GRAMD4: variants seen among roughly 807,000 people sequenced by gnomAD.
GRAMD4 encodes the protein GRAM domain containing 4.
A neutral mutation model predicts 83.9 loss-of-function variants in GRAMD4; 25 were observed. The observed-to-expected ratio is 0.30, with a 90% confidence interval of 0.22 to 0.42. The LOEUF is 0.42. Ranked by LOEUF, GRAMD4 falls within the 10% of genes least tolerant of loss-of-function variation. The pLI, the probability that GRAMD4 is intolerant of heterozygous loss-of-function variation, is 1.00. For synonymous variants in GRAMD4, 336 were observed against 320.9 expected, an observed-to-expected ratio of 1.05 and a Z score of -0.50; for missense variants, 593 against 788.7, an observed-to-expected ratio of 0.75 and a Z score of 2.97.
At chr22:46,679,857 C>T, downstream of GRAMD4, 1 of 915,852 alleles carries the variant, frequency 1.1e-6, no homozygotes. Flanking sequence ...GGGCCACCAA[C>T]CCCAGGCCCT....
chr22:46,675,437 C>T (rs758182873), intron 16 of GRAMD4, 31 bp from the exon 17 acceptor site: 1 of 1,523,094 alleles, frequency 6.6e-7, no homozygotes, highest in South Asian at 1.1e-5. Context: ...GTTCAAGAGC[C>T]AGGCGACGCC....
At chr22:46,620,279 G>A (rs555623722), upstream of GRAMD4, 65 of 984,640 alleles carry the variant, frequency 6.6e-5, no homozygotes, top group East Asian at 1.0e-3. The surrounding 1 kb of genome is among the most constrained non-coding windows in gnomAD (Gnocchi z 4.7). Flanking sequence ...GCCCAATTCC[G>A]TCCTGCTTGC....
downstream of GRAMD4, among the ~76,000 whole-genome samples, chr22:46,680,690 TCATCCACC>T (rs2082661832): frequency 1.2e-4 from 1 of 8,658 alleles, no homozygotes; most frequent in Admixed American, 1.4e-3. Context: ...ACCCACCTAT[TCATCCACC>T]CATCCATCCA....
chr22:46,577,377 C>G, intron 1 of GRAMD4: 1 of 793,280 alleles, frequency 1.3e-6, no homozygotes, highest in Non-Finnish European at 1.5e-6. Context: ...CGCGACCCAG[C>G]TCACTCGGCC....
At chr22:46,680,236 T>G (rs1042116919), downstream of GRAMD4, among the ~76,000 whole-genome samples, 3 of 152,110 alleles carry the variant, frequency 2.0e-5, no homozygotes, top group Non-Finnish European at 4.4e-5. Flanking sequence ...CACTTGGGGC[T>G]TGGTCCATCT....
Position 46,678,824 on chromosome 22 carries a change from G to C in GRAMD4, c.*1573G>C. ...CCGCAGAGTCACACGCTGGTGCCGGGGGTGCTTTGGGGGGAGCTGCGCCGA... is the reference window on the plus strand; with the variant it reads ...CCGCAGAGTCACACGCTGGTGCCGGCGGTGCTTTGGGGGGAGCTGCGCCGA... On this transcript the variant is annotated 3_prime_UTR_variant, in exon 19 of 19. Transcript: ENST00000406902. The C allele has an allele frequency of 2.0e-6, 2 of 986,244 alleles. No individual in the cohort carries two copies. The highest frequency in any genetic ancestry group is 2.4e-6 in the Non-Finnish European group (2 of 830,096). 61.1% of individuals were successfully genotyped at this position (986,244 alleles called of 1,614,324 possible).
At chr22:46,662,992 A>G (rs1277582831) in intron 5 of GRAMD4, 48 bp from the exon 6 acceptor site, 1 of 1,533,314 alleles carries the variant, frequency 6.5e-7, no homozygotes, top group Non-Finnish European at 8.8e-7. Context: ...ACCCCAGAAC[A>G]GGCAGTGCAG....
upstream of GRAMD4, among the ~76,000 whole-genome samples, chr22:46,618,573 C>T (rs529866000): frequency 1.1e-4 from 16 of 152,080 alleles, no homozygotes; most frequent in South Asian, 4.2e-4. The surrounding 1 kb of genome is among the most constrained non-coding windows in gnomAD (Gnocchi z 5.8). Flanking sequence ...GACCCGGGTG[C>T]GTGGAAGCCC....
Position 46,663,882 on chromosome 22 carries a change from G to C in GRAMD4, c.625+19G>C, listed in dbSNP as rs1245790626. On this transcript the variant is annotated intron_variant, in intron 7 of 18. Coordinates refer to ENST00000406902, the MANE Select transcript of GRAMD4 (RefSeq NM_015124.5). ...CGGCTCAGTGAGTACCAGCGGCTCT[G>C]CGTGGCGCCCACGATGCTCAGTGTG... 1 of 1,612,894 alleles carries C rather than the reference G, an allele frequency of 6.2e-7. No homozygotes were observed. The highest frequency in any genetic ancestry group is 1.3e-5 in the African/African-American group (1 of 74,916).
chr22:46,660,317 G>A (rs2748334), intron 4 of GRAMD4, among the ~76,000 whole-genome samples: 9,987 of 152,190 alleles, frequency 0.066, 678 homozygotes, highest in African/African-American at 0.17. Context: ...TGGGGGCGGC[G>A]CTTAGGAACC....
At chr22:46,594,773 G>C (rs1429028865) in intron 1 of GRAMD4, among the ~76,000 whole-genome samples, 1 of 150,834 alleles carries the variant, frequency 6.6e-6, no homozygotes, top group East Asian at 2.0e-4. Flanking sequence ...GGAGGAGAGG[G>C]TTGGTGCCCT....
intron 1 of GRAMD4, among the ~76,000 whole-genome samples, chr22:46,593,976 C>T (rs1303045774): frequency 2.0e-5 from 3 of 151,964 alleles, no homozygotes; most frequent in Non-Finnish European, 2.9e-5. Flanking sequence ...CTGCCCGCCT[C>T]GGCCTCCCAA....
At chr22:46,658,335 C>T in intron 4 of GRAMD4, 28 bp downstream of exon 4, 1 of 1,558,972 alleles carries the variant, frequency 6.4e-7, no homozygotes, top group Non-Finnish European at 8.7e-7. Context: ...GGGCCCTGGC[C>T]TGTGTGCGGC....
chr22:46,605,316 G>A (rs1448210735), intron 1 of GRAMD4, among the ~76,000 whole-genome samples: 2 of 152,232 alleles, frequency 1.3e-5, no homozygotes, highest in Non-Finnish European at 2.9e-5. Flanking sequence ...ATATTCCATG[G>A]TGTGGATGGG....
At chr22:46,642,251 A>T (rs2081984027) in intron 3 of GRAMD4, among the ~76,000 whole-genome samples, 2 of 152,160 alleles carry the variant, frequency 1.3e-5, no homozygotes, top group Admixed American at 1.3e-4. Flanking sequence ...ACCATTTCTG[A>T]AATAAAGCCC....
upstream of GRAMD4, among the ~76,000 whole-genome samples, chr22:46,576,861 G>T (rs1440370495): frequency 1.4e-5 from 2 of 144,136 alleles, no homozygotes; most frequent in Non-Finnish European, 3.1e-5. Flanking sequence ...GGCGGCGGCC[G>T]CGCGTGCGCG....
chr22:46,638,585 T>G (rs187762263), intron 3 of GRAMD4, among the ~76,000 whole-genome samples: 1 of 152,324 alleles, frequency 6.6e-6, no homozygotes, highest in African/African-American at 2.4e-5. Flanking sequence ...TCCTCCCTGT[T>G]GTCCAGATGT....
At chr22:46,635,153 A>G (rs879207781) in intron 2 of GRAMD4, among the ~76,000 whole-genome samples, 1,593 of 29,354 alleles carry the variant, frequency 0.054, 10 homozygotes, top group African/African-American at 0.13. Context: ...CCCTGCCTCC[A>G]CCCCTGGCCA....
intron 1 of GRAMD4, among the ~76,000 whole-genome samples, chr22:46,625,195 T>C (rs1250657888): frequency 6.6e-6 from 1 of 152,164 alleles, no homozygotes; most frequent in Non-Finnish European, 1.5e-5. Flanking sequence ...GCATCAGGAA[T>C]ACTCAAGTGC....
Sources: allele counts gnomAD v4.1 joint callset (sites outside exome capture counted in the v4.1 genomes callset), GRCh38; gene constraint gnomAD v4.1.1; non-coding constraint Gnocchi (gnomAD v3.1); transcripts MANE v1.5; gene names NCBI Gene and HGNC (gene_info 2026-07-23, HGNC 2026-07-21).